Variants in LRRK2 observed in about 807,000 individuals in gnomAD.
LRRK2 encodes the protein leucine rich repeat kinase 2, also known as leucine-rich repeat serine/threonine-protein kinase 2.
A neutral mutation model predicts 302.6 loss-of-function variants in LRRK2; 203 were observed. The observed-to-expected ratio is 0.67, with a 90% confidence interval of 0.60 to 0.75. The LOEUF (loss-of-function observed/expected upper bound fraction) is 0.75. Ranked by LOEUF, LRRK2 falls within the 30% of genes least tolerant of loss-of-function variation. The probability of loss-of-function intolerance (pLI) is 0.00; values close to 1 mark genes in which losing one functional copy is unlikely to be tolerated. For synonymous variants in LRRK2, 1,066 were observed against 1,031.9 expected (o/e 1.03, Z -0.63); for missense variants, 2,830 against 2,951.0 (o/e 0.96, Z 0.95).
intron 20 of LRRK2, 119 bp from the exon 21 acceptor site, chr12:40,293,426 G>T: frequency 1.5e-6 from 1 of 670,154 alleles, no homozygotes; most frequent in Non-Finnish European, 2.6e-6. Context: ...AATGGACTGT[G>T]AAATTTCCAT....
Position 40,346,806 on chromosome 12 carries a change from G to C in LRRK2, c.6163G>C (p.Asp2055His). ...RGNVIYNQQADVYSFGLLLYD... is the reference protein window; with the variant it reads ...RGNVIYNQQAHVYSFGLLLYD... Reference sequence around the variant, plus strand: ...AAATGTCATTTATAACCAACAGGCTGATGTTTATTCATTTGGTTTACTACT... The same window carrying C: ...AAATGTCATTTATAACCAACAGGCTCATGTTTATTCATTTGGTTTACTACT... The change falls in exon 42 of 51, where the codon GAT becomes CAT. Residue 2055 changes from aspartate to histidine, a missense_variant. Physicochemically the swap from Asp to His is moderately conservative, Grantham distance 81. Around this residue, in one of 3 missense-constraint regions of LRRK2, gnomAD observed 253 missense variants for 346.7 expected, o/e 0.73. Transcript: ENST00000298910. The C allele has an allele frequency of 6.2e-7, 1 of 1,613,950 alleles. No homozygotes were observed. Among genetic ancestry groups the C allele is most frequent in the Non-Finnish European group, 8.5e-7 (1 of 1,179,906 alleles).
At chr12:40,336,097 G>A (rs1459904058) in intron 40 of LRRK2, among the ~76,000 whole-genome samples, 2 of 152,088 alleles carry the variant, frequency 1.3e-5, no homozygotes, top group East Asian at 3.8e-4. Flanking sequence ...CATGAAAGTT[G>A]GATCAGGACT....
At chr12:40,298,975 C>G (rs1276612297) in intron 24 of LRRK2, 134 bp from the exon 25 acceptor site, 1 of 648,802 alleles carries the variant, frequency 1.5e-6, no homozygotes, top group African/African-American at 2.0e-5. Flanking sequence ...AACTGACTTA[C>G]ATTTTTACAA....
intron 18 of LRRK2, among the ~76,000 whole-genome samples, chr12:40,280,205 C>T (rs1166730229): frequency 6.6e-6 from 1 of 152,184 alleles, no homozygotes; most frequent in Non-Finnish European, 1.5e-5. Context: ...AATCCCAACA[C>T]TTTGGGATGT....
At position 40,298,553 on chromosome 12, in the gene LRRK2, A is replaced by G. The variant is rs1944470016; in HGVS notation, c.3347+60A>G. The G allele has an allele frequency of 3.8e-6, 6 of 1,590,014 alleles. No homozygotes were observed. The South Asian group carries it at 5.5e-5, about 15-fold the overall frequency. ...CTAAATATGCTGATGTTAACAAAAT[A>G]TGCTGACATTTTTATAGCAATGAGT... On this transcript the variant is annotated intron_variant, in intron 24 of 50. Transcript: ENST00000298910.
At chr12:40,322,210 T>C (rs368224545) in intron 36 of LRRK2, 29 bp downstream of exon 36, 2 of 1,596,150 alleles carry the variant, frequency 1.3e-6, no homozygotes, top group Non-Finnish European at 1.7e-6. Flanking sequence ...ATGTTTTCAA[T>C]TGCAACACTA....
chr12:40,357,537 T>C (rs1185320688), intron 46 of LRRK2, among the ~76,000 whole-genome samples: 1 of 152,208 alleles, frequency 6.6e-6, no homozygotes, highest in Admixed American at 6.5e-5. Context: ...CCGTAGTGGC[T>C]ATAGCAATTT....
Position 40,263,850 on chromosome 12 carries a change from A to C in LRRK2, c.1605A>C (p.Lys535Asn), listed in dbSNP as rs1942886433. ...EFHHKLNMVK[K>N]QCFKNDIHKL... is the part of the protein sequence containing the mutation. ...ATCATAAGCTAAATATGGTTAAAAA[A>C]CAGTGTTTCAAGAATGATATTCACA... is the stretch of plus-strand genomic sequence containing the variant. The change falls in exon 14 of 51, where the codon AAA becomes AAC. Residue 535 changes from lysine (K) to asparagine (N), a missense_variant. Lys to Asn is a moderately conservative substitution (Grantham distance 94). Coordinates refer to ENST00000298910, the MANE Select transcript of LRRK2 (RefSeq NM_198578.4). The C allele has an allele frequency of 1.9e-6, 3 of 1,613,186 alleles. No individual in the cohort carries two copies. The highest frequency in any genetic ancestry group is 3.3e-4 in the Middle Eastern group (2 of 6,038).
chr12:40,287,474 G>A lies in LRRK2; in HGVS notation c.2624G>A (p.Trp875Ter), dbSNP rs1565714684. 6.2e-7 allele frequency: 1 copy of A among 1,612,752 alleles called. No homozygotes were observed. The highest frequency in any genetic ancestry group is 8.5e-7 in the Non-Finnish European group (1 of 1,179,080). The change falls in exon 20 of 51, where the codon TGG becomes TAG. Residue 875 changes from tryptophan to a stop codon, truncating the protein, a stop_gained. Transcript: ENST00000298910. LOFTEE classifies it high-confidence loss of function. ...SEDVLSKFDE[W>*]TFIPDSSMDS... ...GATGTGCTGTCTAAATTTGATGAAT[G>A]GACCTTTATTCCTGACTCTTCTATG...
At chr12:40,318,504 C>T (rs573325636) in intron 33 of LRRK2, among the ~76,000 whole-genome samples, 4 of 152,058 alleles carry the variant, frequency 2.6e-5, no homozygotes, top group Admixed American at 2.6e-4. Context: ...TTATTAGCCC[C>T]TATGATACAG....
At chr12:40,240,363 T>A in intron 5 of LRRK2, 120 bp from the exon 6 acceptor site, 4 of 869,778 alleles carry the variant, frequency 4.6e-6, no homozygotes, top group Non-Finnish European at 7.3e-6. Flanking sequence ...ATATATTTTT[T>A]ATTTAAGGAG....
chr12:40,299,824 G>A (rs566891377), intron 25 of LRRK2, among the ~76,000 whole-genome samples: 1 of 152,242 alleles, frequency 6.6e-6, no homozygotes, highest in African/African-American at 2.4e-5. Flanking sequence ...GAAAATGTGT[G>A]TGGGGTGGTG....
At chr12:40,295,760 T>TA (rs753473180) in intron 23 of LRRK2, 116 bp downstream of exon 23, 1 of 981,328 alleles carries the variant, frequency 1.0e-6, no homozygotes, top group Non-Finnish European at 1.5e-6. Context: ...CACTGGGTGA[T>TA]AAGTCCCCCG....
At chr12:40,278,493 G>A (rs1943554608) in intron 18 of LRRK2, among the ~76,000 whole-genome samples, 1 of 152,166 alleles carries the variant, frequency 6.6e-6, no homozygotes, top group Non-Finnish European at 1.5e-5. Flanking sequence ...ATCTTGTTAA[G>A]TTGATAAATA....
At chr12:40,344,407 T>G (rs933221304) in intron 41 of LRRK2, among the ~76,000 whole-genome samples, 2 of 152,186 alleles carry the variant, frequency 1.3e-5, no homozygotes, top group Admixed American at 6.5e-5. Flanking sequence ...TCTTCCACAT[T>G]CTAAGAAGGG....
chr12:40,263,319 C>T (rs1942858214), intron 13 of LRRK2, among the ~76,000 whole-genome samples: 1 of 152,192 alleles, frequency 6.6e-6, no homozygotes, highest in East Asian at 1.9e-4. Context: ...GACATGTTCT[C>T]TACCACCTTA....
chr12:40,322,238 A>G, intron 36 of LRRK2, 57 bp downstream of exon 36: 1 of 1,577,858 alleles, frequency 6.3e-7, no homozygotes, highest in Non-Finnish European at 8.6e-7. Flanking sequence ...TTAAACTTAA[A>G]AAAAAAAAAA....
rs76824218 is a variant in LRRK2 at position 40,352,261 on chromosome 12, C to G, written c.6576+528C>G. Among the ~76,000 whole-genome samples, 886 of 152,244 alleles carry G rather than the reference C, an allele frequency of 5.8e-3. 4 individuals are homozygous for G. Among genetic ancestry groups the G allele is most frequent in the Non-Finnish European group, 9.4e-3 (641 of 68,032 alleles). ...GGGTATTCTGTGATAAATAGCACAT[C>G]TCTGAACTATAGTAGCCAACACTCA... is the stretch of plus-strand genomic sequence containing the variant. On this transcript the variant is annotated intron_variant, in intron 44 of 50. Transcript: ENST00000298910.
chr12:40,309,202 A>G lies in LRRK2; in HGVS notation c.4286A>G (p.Asp1429Gly). The change falls in exon 30 of 51, where the codon GAT becomes GGT. Residue 1429 changes from aspartate (D) to glycine (G), a missense_variant. By Grantham distance (94) the Asp-to-Gly change is moderately conservative (BLOSUM62 -1). Transcript: ENST00000298910. ...CTCAGCAAGGGACAGGCTGAAGTTG[A>G]TGCCATGAAGCCTTGGCTCTTCAAT... ...YDLSKGQAEV[D>G]AMKPWLFNIK... is the part of the protein sequence containing the mutation. The G allele has an allele frequency of 1.2e-6, 2 of 1,613,902 alleles. No individual in the cohort carries two copies. The highest frequency in any genetic ancestry group is 1.7e-6 in the Non-Finnish European group (2 of 1,179,904).
Sources: gnomAD v4.1 joint callset for allele counts (sites outside exome capture counted in the v4.1 genomes callset) on GRCh38, gnomAD v4.1.1 for gene constraint, gnomAD v4.1.1 regional missense constraint, MANE v1.5 for transcripts, NCBI Gene and HGNC (gene_info 2026-07-23, HGNC 2026-07-21) for gene names.